The following PAK2 variants were observed in gnomAD, a reference collection of about 807,000 sequenced individuals.
The protein encoded by PAK2 is p21 (RAC1) activated kinase 2.
A neutral mutation model predicts 65.9 loss-of-function variants in PAK2; 21 were observed. The observed-to-expected ratio is 0.32, with a 90% CI of 0.23 to 0.46. The LOEUF (loss-of-function observed/expected upper bound fraction) is 0.46, where lower values mean the gene tolerates loss of function less well. Ranked by LOEUF, PAK2 falls within the 20% of genes least tolerant of loss-of-function variation. The probability of loss-of-function intolerance (pLI) is 1.00; values close to 1 mark genes in which losing one functional copy is unlikely to be tolerated. For missense variants in PAK2, 324 were observed against 642.6 expected (o/e 0.50, Z 5.36); for synonymous variants, 204 against 219.7 (o/e 0.93, Z 0.63).
intron 6 of PAK2, among the ~76,000 whole-genome samples, chr3:196,807,441 AT>A (rs1715623261): frequency 6.6e-6 from 1 of 152,122 alleles, no homozygotes. Context: ...GTTCTTTTGC[AT>A]TTTACTTACC....
chr3:196,777,349 A>G (rs1417455739), intron 1 of PAK2, among the ~76,000 whole-genome samples: 1 of 151,988 alleles, frequency 6.6e-6, no homozygotes, highest in Non-Finnish European at 1.5e-5. Context: ...GACTACAGAC[A>G]CGCGCCACCA....
intron 6 of PAK2, among the ~76,000 whole-genome samples, chr3:196,807,044 T>G (rs1010224379): frequency 6.6e-6 from 1 of 152,196 alleles, no homozygotes; most frequent in Non-Finnish European, 1.5e-5. Flanking sequence ...GATTATGCAT[T>G]TTAATCTCCC....
chr3:196,813,714 G>A (rs1009427262), intron 10 of PAK2, among the ~76,000 whole-genome samples: 2 of 152,102 alleles, frequency 1.3e-5, no homozygotes, highest in African/African-American at 4.8e-5. Flanking sequence ...CACTTTGGGA[G>A]GCCGAGGCAG....
chr3:196,769,199 C>T (rs1225286304), intron 1 of PAK2, among the ~76,000 whole-genome samples: 4 of 151,620 alleles, frequency 2.6e-5, no homozygotes, highest in East Asian at 3.9e-4. Context: ...TGATGGTGCA[C>T]GCCTGTGGTG....
chr3:196,785,782 G>A (rs555491667), intron 2 of PAK2, among the ~76,000 whole-genome samples: 2 of 152,102 alleles, frequency 1.3e-5, no homozygotes, highest in African/African-American at 4.8e-5. Flanking sequence ...AGCAAGTCGC[G>A]TCCTACGTGG....
chr3:196,778,294 T>C (rs1233518170), intron 1 of PAK2, among the ~76,000 whole-genome samples: 4 of 152,214 alleles, frequency 2.6e-5, no homozygotes, highest in Non-Finnish European at 5.9e-5. Flanking sequence ...CGTTCATCAG[T>C]TGATGGATAT....
chr3:196,809,507 C>T (rs1715705161), intron 7 of PAK2, among the ~76,000 whole-genome samples: 1 of 151,160 alleles, frequency 6.6e-6, no homozygotes. Context: ...CCACACCCCG[C>T]TAATTTTTGT....
chr3:196,796,104 T>C (rs1313368607), intron 2 of PAK2, among the ~76,000 whole-genome samples: 1 of 152,206 alleles, frequency 6.6e-6, no homozygotes, highest in African/African-American at 2.4e-5. Flanking sequence ...GCGGTGATGC[T>C]CACTCACCTG....
intron 1 of PAK2, among the ~76,000 whole-genome samples, chr3:196,752,294 G>A (rs1001718769): frequency 4.0e-5 from 6 of 151,672 alleles, no homozygotes; most frequent in African/African-American, 1.2e-4. Flanking sequence ...AATTGTATTT[G>A]GTTTGCTTTT....
chr3:196,817,249 C>T (rs1711510511), intron 11 of PAK2, among the ~76,000 whole-genome samples: 1 of 145,200 alleles, frequency 6.9e-6, no homozygotes, highest in South Asian at 2.2e-4. Flanking sequence ...ACTGCAATCT[C>T]TGCCTCCTGG....
intron 2 of PAK2, among the ~76,000 whole-genome samples, chr3:196,786,586 T>C (rs937109254): frequency 6.6e-6 from 1 of 152,216 alleles, no homozygotes; most frequent in Non-Finnish European, 1.5e-5. Context: ...ATCTTTGAGC[T>C]AGCTGGATTT....
intron 2 of PAK2, among the ~76,000 whole-genome samples, chr3:196,796,745 A>T (rs1405084829): frequency 6.6e-6 from 1 of 152,222 alleles, no homozygotes; most frequent in Non-Finnish European, 1.5e-5. Context: ...AAAGGATACA[A>T]AAAGGTGTGT....
intron 8 of PAK2, among the ~76,000 whole-genome samples, chr3:196,811,661 T>C (rs968425894): frequency 6.6e-6 from 1 of 152,056 alleles, no homozygotes; most frequent in Non-Finnish European, 1.5e-5. Flanking sequence ...TCCATATGGA[T>C]GACCATCACA....
chr3:196,753,928 T>G (rs1300639200), intron 1 of PAK2, among the ~76,000 whole-genome samples: 1 of 152,234 alleles, frequency 6.6e-6, no homozygotes, highest in East Asian at 1.9e-4. Flanking sequence ...TACTTTTGTT[T>G]CAATTGTTCT....
chr3:196,752,622 C>T (rs1273928406), intron 1 of PAK2, among the ~76,000 whole-genome samples: 1 of 152,076 alleles, frequency 6.6e-6, no homozygotes, highest in Non-Finnish European at 1.5e-5. Context: ...TTGTTTGAGA[C>T]AGAGTTTCAC....
Position 196,812,278 on chromosome 3 carries a change from T to G in PAK2, c.822+11T>G. On this transcript the variant is annotated intron_variant, in intron 9 of 14. Coordinates refer to ENST00000327134, the MANE Select transcript of PAK2 (RefSeq NM_002577.4). ...GCACTGGGACAGGAGGTAGTTACTT[T>G]GTTGTAATCCTGGGTGTTACCATTA... is the stretch of plus-strand genomic sequence containing the variant. 6.6e-7 allele frequency: 1 copy of G among 1,523,614 alleles called. No individual in the cohort carries two copies. Among genetic ancestry groups the G allele is most frequent in the Non-Finnish European group, 9.1e-7 (1 of 1,097,570 alleles). 94.4% of individuals were successfully genotyped at this position (1,523,614 alleles called of 1,614,324 possible).
chr3:196,747,234 G>T (rs1480272036), intron 1 of PAK2: 1 of 151,060 alleles, frequency 6.6e-6, no homozygotes, highest in Admixed American at 6.6e-5. Flanking sequence ...AATTCTTAAT[G>T]AATTCTTAGT....
At chr3:196,795,888 G>A (rs533350946) in intron 2 of PAK2, among the ~76,000 whole-genome samples, 6 of 152,310 alleles carry the variant, frequency 3.9e-5, no homozygotes, top group South Asian at 2.1e-4. Flanking sequence ...TTTGGCACCC[G>A]GGATTGGTTT....
chr3:196,822,130 G>A (rs1428722680), intron 13 of PAK2, among the ~76,000 whole-genome samples: 1 of 152,082 alleles, frequency 6.6e-6, no homozygotes, highest in Non-Finnish European at 1.5e-5. Context: ...GAGGTGATTA[G>A]TTTAGACCAC....
Sources: gnomAD v4.1 joint callset for allele counts (sites outside exome capture counted in the v4.1 genomes callset) on GRCh38, gnomAD v4.1.1 for gene constraint, MANE v1.5 for transcripts, NCBI Gene and HGNC (gene_info 2026-07-23, HGNC 2026-07-21) for gene names.